Variants in RBFOX1 observed in about 807,000 individuals in gnomAD.
RBFOX1 encodes the protein RNA binding protein fox-1 homolog 1.
A neutral mutation model predicts 57.7 loss-of-function variants in RBFOX1; 8 were observed. That is an observed-to-expected ratio of 0.14 (90% CI 0.08 to 0.25). The LOEUF (loss-of-function observed/expected upper bound fraction) is 0.25. Ranked by LOEUF, RBFOX1 falls within the 10% of genes least tolerant of loss-of-function variation. RBFOX1 has a pLI of 1.00. For synonymous variants in RBFOX1, 326 were observed against 222.4 expected (o/e 1.47, Z -4.15); for missense variants, 611 against 548.5 (o/e 1.11, Z -1.14).
chr16:7,471,794 G>T lies in RBFOX1; in HGVS notation c.28-46353G>T, dbSNP rs148405824. ...AGTCTCTTTCCCTTAAGAGTGATGTGTGATTCTCTACTGTCTGGGAGCTCC... is the reference window on the plus strand; with the variant it reads ...AGTCTCTTTCCCTTAAGAGTGATGTTTGATTCTCTACTGTCTGGGAGCTCC... On this transcript the variant is annotated intron_variant, in intron 4 of 15. Transcript: ENST00000550418. 2.2e-3 allele frequency among the ~76,000 whole-genome samples: 330 copies of T among 152,314 alleles called. 10 individuals carry two copies. The highest frequency in any genetic ancestry group is 0.019 in the Admixed American group (291 of 15,292).
At position 6,163,389 on chromosome 16, in the gene RBFOX1, A is replaced by G. The variant is rs577578462; in HGVS notation, c.-127+143397A>G. Among the ~76,000 whole-genome samples, 13 of 152,334 alleles carry G rather than the reference A, an allele frequency of 8.5e-5. No homozygotes were observed. The East Asian group carries it at 2.5e-3, about 29-fold the overall frequency. ...TCATCTGGGAATTTCATTTTGCACA[A>G]AGGAATCCTGTTTGAGCATAAGCGA... On this transcript the variant is annotated intron_variant, in intron 1 of 15. Coordinates refer to ENST00000550418, the MANE Select transcript of RBFOX1 (RefSeq NM_018723.4).
At chr16:5,514,779 G>T (rs967460700) in intron 2 of RBFOX1, among the ~76,000 whole-genome samples, 6 of 152,132 alleles carry the variant, frequency 3.9e-5, no homozygotes, top group African/African-American at 1.4e-4. Context: ...AGAAGAGGGA[G>T]AGAGGGAGGA....
rs781392266 is a variant in RBFOX1 at position 7,578,687 on chromosome 16, G to C, written c.271-1090G>C. ...GATTCCTCACTCATAAATTTGATAG[G>C]CTTCTGTGTAAGCTTTCTATCATAG... On this transcript the variant is annotated intron_variant, in intron 5 of 15. Transcript: ENST00000550418. 4.6e-5 allele frequency among the ~76,000 whole-genome samples: 7 copies of C among 152,120 alleles called. No individual in the cohort carries two copies. In the South Asian group the frequency reaches 1.5e-3, roughly 32 times the overall value.
At chr16:5,435,689 A>C (rs1597057145) in intron 1 of RBFOX1, among the ~76,000 whole-genome samples, 1 of 152,092 alleles carries the variant, frequency 6.6e-6, no homozygotes, top group African/African-American at 2.4e-5. Flanking sequence ...GAAGGGAAAC[A>C]TGTGATCTCA....
intron 2 of RBFOX1, among the ~76,000 whole-genome samples, chr16:6,444,479 C>T (rs1278297867): frequency 2.6e-5 from 4 of 152,122 alleles, no homozygotes; most frequent in African/African-American, 4.8e-5. Context: ...GAATAAGTCT[C>T]ATGAGATCTG....
At chr16:5,380,457 T>C (rs890993163) in intron 1 of RBFOX1, among the ~76,000 whole-genome samples, 1 of 152,220 alleles carries the variant, frequency 6.6e-6, no homozygotes, top group Non-Finnish European at 1.5e-5. Flanking sequence ...TGATCGTCTT[T>C]ATACTAAATG....
At chr16:5,988,977 G>A (rs987777306) in intron 4 of RBFOX1, among the ~76,000 whole-genome samples, 3 of 152,104 alleles carry the variant, frequency 2.0e-5, no homozygotes, top group African/African-American at 7.2e-5. Flanking sequence ...TGGGTGAGTT[G>A]CTTACCCTCT....
chr16:7,640,761 C>T (rs952768810), intron 11 of RBFOX1, among the ~76,000 whole-genome samples: 1 of 152,166 alleles, frequency 6.6e-6, no homozygotes, highest in Non-Finnish European at 1.5e-5. Context: ...CTGCATTTAA[C>T]TCCTTGACAA....
chr16:6,250,613 C>A (rs1263613798), intron 1 of RBFOX1, among the ~76,000 whole-genome samples: 2 of 152,222 alleles, frequency 1.3e-5, no homozygotes, highest in East Asian at 3.9e-4. Flanking sequence ...CTCTTTTATG[C>A]TCTGGGAAGA....
intron 4 of RBFOX1, among the ~76,000 whole-genome samples, chr16:7,143,243 TAG>T (rs140739295): frequency 2.0e-5 from 3 of 151,282 alleles, no homozygotes; most frequent in African/African-American, 7.3e-5. Flanking sequence ...CAGGGAAAAT[TAG>T]AGAGAGAGAG....
intron 4 of RBFOX1, among the ~76,000 whole-genome samples, chr16:7,165,963 C>CATACAT (rs60902094): frequency 0.047 from 3,595 of 76,064 alleles, 139 homozygotes; most frequent in African/African-American, 0.11. Flanking sequence ...CACACACACA[C>CATACAT]ACATACATAC....
intron 2 of RBFOX1, among the ~76,000 whole-genome samples, chr16:6,562,844 C>CT (rs1567693211): frequency 1.0e-4 from 4 of 38,186 alleles, no homozygotes; most frequent in African/African-American, 7.6e-4. Context: ...TTCTTTCTTT[C>CT]TTTCTTTCTT....
Position 5,801,873 on chromosome 16 carries a change from G to A in RBFOX1, c.319-65430G>A, listed in dbSNP as rs548523568. 3.9e-5 allele frequency among the ~76,000 whole-genome samples: 6 copies of A among 152,260 alleles called. No homozygotes were observed. The South Asian group carries it at 1.0e-3, about 26-fold the overall frequency. On this transcript the variant is annotated intron_variant, in intron 3 of 19. Coordinates refer to the RBFOX1 transcript ENST00000641259. ...CAGTTTTGCTGGTTATGGAAGTTGT[G>A]TATGCAGGGCAGCTCTATATTAGGT... is the stretch of plus-strand genomic sequence containing the variant.
chr16:6,713,281 TA>T (rs1213765378), intron 3 of RBFOX1, among the ~76,000 whole-genome samples: 2 of 152,102 alleles, frequency 1.3e-5, no homozygotes, highest in African/African-American at 4.8e-5. Flanking sequence ...TTTGTTTGTG[TA>T]ATAATAACAG....
rs1035824283 is a variant in RBFOX1 at position 6,654,547 on chromosome 16, C to A, written c.-63-56C>A. ...ACAACACCACTGAATGTTCTCTGAC[C>A]ATAAGTCTGACTCCTGTTCTTTCTC... On this transcript the variant is annotated intron_variant, in intron 2 of 15. Transcript: ENST00000550418. 3.7e-6 allele frequency: 5 copies of A among 1,363,366 alleles called. No homozygotes were observed. In the African/African-American group the frequency reaches 7.4e-5, roughly 20 times the overall value. The allele number at this position is 1,363,366 out of a possible 1,614,324, so 84.5% of individuals were successfully genotyped here. A position where few individuals can be genotyped will look rare whatever the true frequency, so the allele number is the denominator to read the frequency against.
intron 3 of RBFOX1, among the ~76,000 whole-genome samples, chr16:5,720,243 G>A (rs80191761): frequency 3.9e-5 from 6 of 152,250 alleles, no homozygotes; most frequent in African/African-American, 1.4e-4. Context: ...TGCCTGTTCA[G>A]ATTCTTGGTC....
chr16:6,308,335 T>A (rs1228306487), intron 1 of RBFOX1, among the ~76,000 whole-genome samples: 1 of 152,234 alleles, frequency 6.6e-6, no homozygotes, highest in Non-Finnish European at 1.5e-5. Flanking sequence ...TGTGTGTGAA[T>A]CCATGTTCTT....
chr16:5,746,616 G>C (rs965740120), intron 3 of RBFOX1, among the ~76,000 whole-genome samples: 1 of 152,068 alleles, frequency 6.6e-6, no homozygotes, highest in Non-Finnish European at 1.5e-5. Context: ...TTATTTCATT[G>C]AGCAGTTGTT....
intron 4 of RBFOX1, among the ~76,000 whole-genome samples, chr16:7,058,328 T>G (rs977270853): frequency 2.0e-5 from 3 of 152,174 alleles, no homozygotes; most frequent in African/African-American, 2.4e-5. Flanking sequence ...AGCTTTCTTT[T>G]TTAAGGGAAA....
Sources: gnomAD v4.1 joint callset for allele counts (sites outside exome capture counted in the v4.1 genomes callset) on GRCh38, gnomAD v4.1.1 for gene constraint, MANE v1.5 for transcripts, NCBI Gene and HGNC (gene_info 2026-07-23, HGNC 2026-07-21) for gene names.